Variants in SLC35F6 observed in about 807,000 individuals in gnomAD.
SLC35F6 encodes solute carrier family 35 member F6.
In SLC35F6, 26 loss-of-function variants were observed where a neutral mutation model predicts 29.4. That is an observed-to-expected ratio of 0.89 (90% CI 0.65 to 1.23). The LOEUF is 1.23. SLC35F6 is among the 50% of genes most tolerant of loss of function. SLC35F6 has a pLI of 0.00. For synonymous variants in SLC35F6, 174 were observed against 206.6 expected, an observed-to-expected ratio of 0.84 and a Z score of 1.35; for missense variants, 428 against 487.8, an observed-to-expected ratio of 0.88 and a Z score of 1.15.
rs747211994 is a variant in SLC35F6, at chr2:26,778,052, C to T, written c.657C>T (p.Gly219=). 3.4e-5 allele frequency: 55 copies of T among 1,610,738 alleles called. No homozygotes were observed. Among genetic ancestry groups the T allele is most frequent in the Non-Finnish European group, 4.2e-5 (50 of 1,177,484 alleles). Residue 219 remains glycine (G), a synonymous_variant, in exon 6 of 6, where the codon GGC becomes GGT. Transcript: ENST00000344420. ...LRAVGTEGLF[G]FVILSLLLVP... ...TCCTCTACTCCCCAGGCCTCTTTGG[C>T]TTTGTGATCCTCTCCCTGCTGCTGG...
In SLC35F6 at chr2:26,775,599, CG is replaced by C; in HGVS notation, c.462del (p.Leu155TrpfsTer10). On this transcript the variant is annotated frameshift_variant, in exon 4 of 6. Coordinates refer to ENST00000344420, the MANE Select transcript of SLC35F6 (RefSeq NM_017877.4). LOFTEE classifies it high-confidence loss of function. This position sits in a 1 kb window ranked among gnomAD's most constrained non-coding sequence, Gnocchi z 4.6. ...SQWLGILATI[A>X]GLVVVGLADL... ...TGGCTGGGCATCCTAGCCACCATCG[CG>C]GGGCTGGTGGTCGTGGGCCTGGCTG... is the stretch of plus-strand genomic sequence containing the variant. 6.2e-7 allele frequency: 1 copy of C among 1,607,608 alleles called. No homozygotes were observed.
Position 26,779,383 on chromosome 2 carries a change from T to C in SLC35F6, c.*872T>C, listed in dbSNP as rs1237988982. On this transcript the variant is annotated 3_prime_UTR_variant, in exon 6 of 6. Coordinates refer to ENST00000344420, the MANE Select transcript of SLC35F6 (RefSeq NM_017877.4). ...TTGGTGTTATGCTCTGGGAAGTAGATGTTGATGCTGTGGCCTTAGTGCCTT... is the reference window on the plus strand; with the variant it reads ...TTGGTGTTATGCTCTGGGAAGTAGACGTTGATGCTGTGGCCTTAGTGCCTT... 6.6e-6 allele frequency: 1 copy of C among 152,258 alleles called. No individual in the cohort carries two copies. The highest frequency in any genetic ancestry group is 1.5e-5 in the Non-Finnish European group (1 of 68,074). 9.4% of individuals were successfully genotyped at this position (152,258 alleles called of 1,614,324 possible). A position where few individuals can be genotyped will look rare whatever the true frequency, so the allele number is the denominator to read the frequency against.
intron 1 of SLC35F6, chr2:26,765,074 A>T: frequency 1.1e-6 from 1 of 939,532 alleles, no homozygotes; most frequent in Non-Finnish European, 1.3e-6. Context: ...TGATTGACTC[A>T]ATGACATGAG....
At chr2:26,773,591 A>T (rs1034731233) in intron 1 of SLC35F6, among the ~76,000 whole-genome samples, 1 of 150,536 alleles carries the variant, frequency 6.6e-6, no homozygotes, top group Non-Finnish European at 1.5e-5. Flanking sequence ...CAAATTCGTG[A>T]TATAGAATAT....
chr2:26,780,798 G>A lies in SLC35F6; in HGVS notation c.*2287G>A, dbSNP rs904898759. 1 of 152,274 alleles carries A rather than the reference G, an allele frequency of 6.6e-6. No homozygotes were observed. Among genetic ancestry groups the A allele is most frequent in the African/African-American group, 2.4e-5 (1 of 41,460 alleles). The allele number at this position is 152,274 out of a possible 1,614,324, so 9.4% of individuals were successfully genotyped here. A position where few individuals can be genotyped will look rare whatever the true frequency, so the allele number is the denominator to read the frequency against. On this transcript the variant is annotated 3_prime_UTR_variant, in exon 6 of 6. Transcript: ENST00000344420. ...GCCTTTGGTCCAGTGCTGCTCCTTG[G>A]AACAGTTGAGTGTGGCCTCAAACCA... is the stretch of plus-strand genomic sequence containing the variant.
At position 26,780,774 on chromosome 2, in the gene SLC35F6, C is replaced by A. The variant is rs941316659; in HGVS notation, c.*2263C>A. ...TCAGGAACCGCAGGGAACCAAGCAG[C>A]CTTTGGTCCAGTGCTGCTCCTTGGA... On this transcript the variant is annotated 3_prime_UTR_variant, in exon 6 of 6. Transcript: ENST00000344420. The A allele has an allele frequency of 6.6e-6, 1 of 152,306 alleles. No individual in the cohort carries two copies. The highest frequency in any genetic ancestry group is 1.5e-5 in the Non-Finnish European group (1 of 68,152). The allele number at this position is 152,306 out of a possible 1,614,324, so 9.4% of individuals were successfully genotyped here.
chr2:26,774,957 G>A (rs996986885), intron 2 of SLC35F6, 87 bp from the exon 3 acceptor site: 1 of 1,435,254 alleles, frequency 7.0e-7, no homozygotes, highest in African/African-American at 1.4e-5. Context: ...GCTCTTGTTT[G>A]ACAAAAGTTT....
intron 1 of SLC35F6, among the ~76,000 whole-genome samples, chr2:26,769,836 T>A (rs779372196): frequency 2.6e-5 from 4 of 152,218 alleles, no homozygotes; most frequent in Non-Finnish European, 5.9e-5. Flanking sequence ...TGAGTTTTGC[T>A]GAATACCTGC....
Position 26,776,498 on chromosome 2 carries a change from G to A in SLC35F6, c.646+16G>A. The A allele has an allele frequency of 6.2e-7, 1 of 1,612,084 alleles. No individual in the cohort carries two copies. The highest frequency in any genetic ancestry group is 2.2e-5 in the East Asian group (1 of 44,876). ...GGCACTGAGGGTGTGTGTGGGCACA[G>A]GGGCCTGGAAGGAGTGGGGTAGAAG... On this transcript the variant is annotated intron_variant, in intron 5 of 5. Coordinates refer to ENST00000344420, the MANE Select transcript of SLC35F6 (RefSeq NM_017877.4).
intron 1 of SLC35F6, among the ~76,000 whole-genome samples, chr2:26,770,018 G>A (rs1013734304): frequency 3.3e-5 from 5 of 152,190 alleles, no homozygotes; most frequent in African/African-American, 1.2e-4. Context: ...CCCTGGATCT[G>A]CCTTAAGCCT....
At chr2:26,765,106 A>T (rs1294957835) in intron 1 of SLC35F6, 1 of 727,410 alleles carries the variant, frequency 1.4e-6, no homozygotes, top group East Asian at 1.3e-4. Flanking sequence ...TGCAGGAAAA[A>T]CCACTCCAAG....
At chr2:26,774,358 C>T (rs763605579) in intron 2 of SLC35F6, 35 bp downstream of exon 2, 13 of 1,611,524 alleles carry the variant, frequency 8.1e-6, no homozygotes, top group South Asian at 1.1e-5. Flanking sequence ...TCCTGTCTCC[C>T]GGGCCTCAGA....
intron 1 of SLC35F6, 38 bp from the exon 2 acceptor site, chr2:26,774,213 A>G (rs1381686141): frequency 1.2e-6 from 2 of 1,611,152 alleles, no homozygotes; most frequent in Admixed American, 1.7e-5. Flanking sequence ...CCAGGGTAGG[A>G]TGCTGACAGG....
rs1396260046 is a variant in SLC35F6 at position 26,778,067 on chromosome 2, C to G, written c.672C>G (p.Ser224=). 6.2e-7 allele frequency: 1 copy of G among 1,612,466 alleles called. No homozygotes were observed. The highest frequency in any genetic ancestry group is 2.2e-5 in the East Asian group (1 of 44,814). The change falls in exon 6 of 6, where the codon TCC becomes TCG. Residue 224 remains serine, a synonymous_variant. Transcript: ENST00000344420. The stretch of plus-strand genomic sequence containing the variant: ...GCCTCTTTGGCTTTGTGATCCTCTC[C>G]CTGCTGCTGGTGCCCATGTACTACA... ...TEGLFGFVIL[S]LLLVPMYYIP...
chr2:26,778,045 T>C lies in SLC35F6; in HGVS notation c.650T>C (p.Leu217Pro). The C allele has an allele frequency of 6.2e-7, 1 of 1,610,374 alleles. No homozygotes were observed. The highest frequency in any genetic ancestry group is 8.5e-7 in the Non-Finnish European group (1 of 1,177,146). The stretch of plus-strand genomic sequence containing the variant: ...AACTGTTTCCTCTACTCCCCAGGCC[T>C]CTTTGGCTTTGTGATCCTCTCCCTG... Reference protein sequence around the residue: ...HPLRAVGTEGLFGFVILSLLL... With the variant: ...HPLRAVGTEGPFGFVILSLLL... The change falls in exon 6 of 6, where the codon CTC becomes CCC. Residue 217 changes from leucine (L) to proline (P), a missense_variant. Coordinates refer to ENST00000344420, the MANE Select transcript of SLC35F6 (RefSeq NM_017877.4).
At chr2:26,773,613 C>CT (rs770979613) in intron 1 of SLC35F6, among the ~76,000 whole-genome samples, 4,070 of 138,290 alleles carry the variant, frequency 0.029, 192 homozygotes, top group African/African-American at 0.097. Flanking sequence ...TATAGATATG[C>CT]TTTTTTTTTT....
At position 26,775,107 on chromosome 2, in the gene SLC35F6, G is replaced by A; in HGVS notation, c.214G>A (p.Ala72Thr). The A allele has an allele frequency of 4.3e-6, 7 of 1,614,132 alleles. No individual in the cohort carries two copies. The highest frequency in any genetic ancestry group is 5.9e-6 in the Non-Finnish European group (7 of 1,180,024). The change falls in exon 3 of 6, where the codon GCT (alanine) becomes ACT (threonine). Residue 72 changes from alanine to threonine, a missense_variant. Physicochemically the swap from Ala to Thr is moderately conservative, Grantham distance 58 (BLOSUM62 0). Transcript: ENST00000344420. The surrounding 1 kb of genome is among the most constrained non-coding windows in gnomAD (Gnocchi z 4.6). ...LAAFYLLRCR[A>T]AGQSDSSVDP... ...TGCCTTCTACCTCCTCCGATGCAGA[G>A]CTGCAGGGCAATCAGACTCCAGCGT...
At chr2:26,766,597 CAAA>C (rs11311293) in intron 1 of SLC35F6, among the ~76,000 whole-genome samples, 1 of 149,714 alleles carries the variant, frequency 6.7e-6, no homozygotes, top group African/African-American at 2.5e-5. Context: ...GACTCGGTCT[CAAA>C]AAAAAAAATA....
At chr2:26,764,762 G>T in intron 1 of SLC35F6, 1 of 981,978 alleles carries the variant, frequency 1.0e-6, no homozygotes, top group African/African-American at 1.7e-5. Flanking sequence ...AGCTGGGAGA[G>T]ACCCCTGGAC....
Sources: gnomAD v4.1 joint callset for allele counts (sites outside exome capture counted in the v4.1 genomes callset) on GRCh38, gnomAD v4.1.1 for gene constraint, Gnocchi (gnomAD v3.1) non-coding constraint, MANE v1.5 for transcripts, NCBI Gene and HGNC (gene_info 2026-07-23, HGNC 2026-07-21) for gene names.